Variants in PABPC4 observed in about 807,000 individuals in gnomAD.
The protein encoded by PABPC4 is poly(A) binding protein cytoplasmic 4.
PABPC4 carries 15 observed loss-of-function variants against 74.5 expected under a neutral mutation model. The ratio of observed to expected loss-of-function variants is 0.20; its 90% CI spans 0.13 to 0.31. The LOEUF (loss-of-function observed/expected upper bound fraction) is 0.31, where lower values mean the gene tolerates loss of function less well. Ranked by LOEUF, PABPC4 falls within the 10% of genes least tolerant of loss-of-function variation. The pLI, the probability that PABPC4 is intolerant of heterozygous loss-of-function variation, is 1.00. For synonymous variants in PABPC4, 345 were observed against 303.0 expected, an observed-to-expected ratio of 1.14 and a Z score of -1.44; for missense variants, 610 against 853.5, an observed-to-expected ratio of 0.71 and a Z score of 3.55.
chr1:39,567,734 A>AG lies in PABPC4; in HGVS notation c.972+16dup, dbSNP rs748620167. On this transcript the variant is annotated intron_variant, in intron 7 of 15. Coordinates refer to ENST00000372858, the MANE Select transcript of PABPC4 (RefSeq NM_001135653.2). The stretch of plus-strand genomic sequence containing the variant: ...TGGAATACCACTGCTTTCAATCCCC[A>AG]GATCGCAGTATAATACCTTAGCACT... 1.4e-5 allele frequency: 17 copies of AG among 1,210,082 alleles called. No individual in the cohort carries two copies. Among genetic ancestry groups the AG allele is most frequent in the Non-Finnish European group, 6.1e-6 (5 of 813,386 alleles). The allele number at this position is 1,210,082 out of a possible 1,614,324, so 75.0% of individuals were successfully genotyped here.
chr1:39,567,592 T>C (rs759604595), intron 7 of PABPC4, 159 bp downstream of exon 7: 4 of 702,180 alleles, frequency 5.7e-6, no homozygotes, highest in Non-Finnish European at 1.0e-5. Context: ...CCTAATGAAA[T>C]GTCATTCTCC....
chr1:39,567,669 T>C (rs1645869377), intron 7 of PABPC4, 82 bp downstream of exon 7: 1 of 776,884 alleles, frequency 1.3e-6, no homozygotes, highest in Admixed American at 2.0e-5. Context: ...ATAATTTAAA[T>C]GCTATTCCTT....
At chr1:39,567,541 C>A (rs375714562) in intron 7 of PABPC4, 2 of 664,590 alleles carry the variant, frequency 3.0e-6, no homozygotes, top group African/African-American at 3.5e-5. Context: ...GGGTCAAATT[C>A]CTCTCCAGAC....
At chr1:39,571,733 T>C in intron 2 of PABPC4, 1 of 403,846 alleles carries the variant, frequency 2.5e-6, no homozygotes, top group Non-Finnish European at 4.9e-6. Flanking sequence ...ATTAAATGAG[T>C]GTGGTGGCAC....
chr1:39,565,918 A>G (rs1161269945), intron 7 of PABPC4, among the ~76,000 whole-genome samples: 1 of 152,088 alleles, frequency 6.6e-6, no homozygotes, highest in East Asian at 1.9e-4. Flanking sequence ...TACAAATAGG[A>G]AAAAAAAGGA....
chr1:39,565,940 G>A (rs1419938322), intron 7 of PABPC4, among the ~76,000 whole-genome samples: 1 of 152,176 alleles, frequency 6.6e-6, no homozygotes, highest in Non-Finnish European at 1.5e-5. Flanking sequence ...GTCCCTGGGT[G>A]GGGAGGGAAC....
intron 10 of PABPC4, 107 bp downstream of exon 10, chr1:39,564,316 C>A: frequency 7.5e-7 from 1 of 1,327,292 alleles, no homozygotes; most frequent in Admixed American, 2.3e-5. Context: ...ATTACAGAAC[C>A]AGGACTCGAT....
chr1:39,575,961 C>A lies in PABPC4; in HGVS notation c.-10G>T, dbSNP rs377378873. The A allele has an allele frequency of 2.6e-6, 4 of 1,528,688 alleles. No homozygotes were observed. The African/African-American group carries it at 5.6e-5, about 21-fold the overall frequency. 94.7% of individuals were successfully genotyped at this position (1,528,688 alleles called of 1,614,324 possible). A position where few individuals can be genotyped will look rare whatever the true frequency, so the allele number is the denominator to read the frequency against. ...TGGCCGCAGCGTTCATCTCCCCGCC[C>A]CCCACCACCCCGAGCCCCGCCAGGA... is the stretch of plus-strand genomic sequence containing the variant. On this transcript the variant is annotated 5_prime_UTR_variant, in exon 1 of 16. Coordinates refer to ENST00000372858, the MANE Select transcript of PABPC4 (RefSeq NM_001135653.2).
chr1:39,575,971 CCGAG>C lies in PABPC4; in HGVS notation c.-24_-21del. The C allele has an allele frequency of 1.4e-6, 2 of 1,472,490 alleles. No individual in the cohort carries two copies. Among genetic ancestry groups the C allele is most frequent in the Non-Finnish European group, 1.8e-6 (2 of 1,100,930 alleles). 91.2% of individuals were successfully genotyped at this position (1,472,490 alleles called of 1,614,324 possible). ...GTTCATCTCCCCGCCCCCCACCACC[CCGAG>C]CCCCGCCAGGAGGACTTCTTATCGG... On this transcript the variant is annotated 5_prime_UTR_variant, in exon 1 of 16. Coordinates refer to ENST00000372858, the MANE Select transcript of PABPC4 (RefSeq NM_001135653.2).
In PABPC4 at chr1:39,569,584, G is replaced by C; in HGVS notation, c.738+11C>G. On this transcript the variant is annotated intron_variant, in intron 5 of 15. Coordinates refer to ENST00000372858, the MANE Select transcript of PABPC4 (RefSeq NM_001135653.2). ...CTTAAAAGCTTTTCCCAATCTTTGTGGTATACTCACCTTATTGGCATCCTC... is the reference window on the plus strand; with the variant it reads ...CTTAAAAGCTTTTCCCAATCTTTGTCGTATACTCACCTTATTGGCATCCTC... 1 of 1,604,080 alleles carries C rather than the reference G, an allele frequency of 6.2e-7. No individual in the cohort carries two copies. The highest frequency in any genetic ancestry group is 8.5e-7 in the Non-Finnish European group (1 of 1,170,826).
rs761820235 is a variant in PABPC4 at position 39,569,841 on chromosome 1, G to GA, written c.643+21dup. ...AGATGGGTCTGGTAGACTGTGAAAG[G>GA]AGACAAGGAACCCCAACTTACCAAA... On this transcript the variant is annotated intron_variant, in intron 4 of 15. Transcript: ENST00000372858. 9.3e-6 allele frequency: 15 copies of GA among 1,612,904 alleles called. No individual in the cohort carries two copies. In the Admixed American group the frequency reaches 1.3e-4, roughly 14 times the overall value.
chr1:39,574,891 G>A (rs1645994828), intron 1 of PABPC4, among the ~76,000 whole-genome samples: 1 of 152,208 alleles, frequency 6.6e-6, no homozygotes. Context: ...CATGCTCCAC[G>A]CTAAGGCCAC....
Position 39,576,157 on chromosome 1 carries a change from C to T in PABPC4, c.-206G>A. On this transcript the variant is annotated 5_prime_UTR_variant, in exon 1 of 16. Coordinates refer to ENST00000372858, the MANE Select transcript of PABPC4 (RefSeq NM_001135653.2). ...GCTCCCACGGCCGCAGCACCGCAGA[C>T]AAAAGGCTCTCCGCACAATACGGCC... 4.0e-6 allele frequency: 2 copies of T among 500,478 alleles called. No individual in the cohort carries two copies. Among genetic ancestry groups the T allele is most frequent in the South Asian group, 5.6e-5 (2 of 35,400 alleles). The allele number at this position is 500,478 out of a possible 1,614,324, so 31.0% of individuals were successfully genotyped here.
At chr1:39,565,482 G>T in intron 7 of PABPC4, 104 bp from the exon 8 acceptor site, 1 of 1,210,658 alleles carries the variant, frequency 8.3e-7, no homozygotes, top group Non-Finnish European at 1.2e-6. Flanking sequence ...TGGGAGGGCT[G>T]CTTGAGCTCA....
chr1:39,565,425 G>A, intron 7 of PABPC4, 47 bp from the exon 8 acceptor site: 3 of 1,562,982 alleles, frequency 1.9e-6, no homozygotes, highest in Middle Eastern at 1.7e-4. Flanking sequence ...TCCCTGGCTG[G>A]GTGTGATGGC....
At position 39,562,187 on chromosome 1, in the gene PABPC4, T is replaced by C; in HGVS notation, c.1779A>G (p.Pro593=). ...GATTTGAATGCATTGTTTGGATGAG[T>C]GGGAACAAGCGTTCTCCTATGGGGA... ...QKQMLGERLF[P]LIQTMHSNLA... The change falls in exon 14 of 16, where the codon CCA becomes CCG. Residue 593 remains proline, a synonymous_variant. Transcript: ENST00000372858. The C allele has an allele frequency of 6.2e-7, 1 of 1,614,198 alleles. No individual in the cohort carries two copies. Among genetic ancestry groups the C allele is most frequent in the Non-Finnish European group, 8.5e-7 (1 of 1,180,022 alleles).
rs937496918 is a variant in PABPC4 at position 39,564,562 on chromosome 1, C to T, written c.1334-20G>A. 1 of 1,613,714 alleles carries T rather than the reference C, an allele frequency of 6.2e-7. No individual in the cohort carries two copies. The highest frequency in any genetic ancestry group is 8.5e-7 in the Non-Finnish European group (1 of 1,179,812). On this transcript the variant is annotated intron_variant, in intron 9 of 15. Transcript: ENST00000372858. Reference sequence around the variant, plus strand: ...GGAAGCCTGGTGAAGAGAAAAATTGCACATCATTGAGAAGTGATGTGGACC... The same window carrying T: ...GGAAGCCTGGTGAAGAGAAAAATTGTACATCATTGAGAAGTGATGTGGACC...
At position 39,561,752 on chromosome 1, in the gene PABPC4, A is replaced by T; in HGVS notation, c.1929T>A (p.His643Gln). The T allele has an allele frequency of 1.2e-6, 2 of 1,614,100 alleles. No homozygotes were observed. Among genetic ancestry groups the T allele is most frequent in the Non-Finnish European group, 1.7e-6 (2 of 1,180,020 alleles). Reference sequence around the variant, plus strand: ...CCTTCTGGGCAGCTTCTTTCTTGGCATGATGAGCCTGTAGAACTGCTACAG... The same window carrying T: ...CCTTCTGGGCAGCTTCTTTCTTGGCTTGATGAGCCTGTAGAACTGCTACAG... ...DEAVAVLQAHHAKKEAAQKVG... is the reference protein window; with the variant it reads ...DEAVAVLQAHQAKKEAAQKVG... Residue 643 changes from histidine (H) to glutamine (Q), a missense_variant, in exon 15 of 16, where the codon CAT becomes CAA. Physicochemically the swap from His to Gln is conservative, Grantham distance 24. Around this residue, in one of 4 missense-constraint regions of PABPC4, gnomAD observed 29 missense variants for 51.6 expected, o/e 0.56. Coordinates refer to ENST00000372858, the MANE Select transcript of PABPC4 (RefSeq NM_001135653.2).
At chr1:39,565,603 G>A (rs1645824904) in intron 7 of PABPC4, among the ~76,000 whole-genome samples, 1 of 152,140 alleles carries the variant, frequency 6.6e-6, no homozygotes, top group African/African-American at 2.4e-5. Context: ...GCCGAGGTGG[G>A]TGGATCACGA....
Sources: allele counts gnomAD v4.1 joint callset (sites outside exome capture counted in the v4.1 genomes callset), GRCh38; gene constraint gnomAD v4.1.1; regional missense constraint gnomAD v4.1.1; transcripts MANE v1.5; gene names NCBI Gene and HGNC (gene_info 2026-07-23, HGNC 2026-07-21).